Variants in LRRC49 observed in about 807,000 individuals in gnomAD.
LRRC49 encodes the protein leucine-rich repeat-containing protein 49.
Under a neutral mutation model 83.3 loss-of-function variants are expected in LRRC49, and 50 were observed. That is an observed-to-expected ratio of 0.60 (90% confidence interval 0.48 to 0.76). The LOEUF (loss-of-function observed/expected upper bound fraction) is 0.76, where lower values mean the gene tolerates loss of function less well. Among genes scored for constraint, LRRC49 ranks in the 30% least tolerant of loss-of-function variants. The pLI, the probability that LRRC49 is intolerant of heterozygous loss-of-function variation, is 0.00. For missense variants in LRRC49, 704 were observed against 809.1 expected (o/e 0.87, Z 1.58); for synonymous variants, 286 against 283.3 (o/e 1.01, Z -0.10).
At chr15:70,866,069 A>T (rs982036647) in intron 1 of LRRC49, among the ~76,000 whole-genome samples, 23 of 152,058 alleles carry the variant, frequency 1.5e-4, no homozygotes, top group Non-Finnish European at 3.1e-4. Context: ...TATCTTTCTC[A>T]TTACTCTAAT....
chr15:71,018,000 T>C (rs2038879654), intron 14 of LRRC49, among the ~76,000 whole-genome samples: 1 of 152,084 alleles, frequency 6.6e-6, no homozygotes, highest in Non-Finnish European at 1.5e-5. Context: ...CATTTATAGA[T>C]GTAGAATCTA....
At chr15:70,906,346 T>G (rs940064898) in intron 5 of LRRC49, among the ~76,000 whole-genome samples, 1 of 152,096 alleles carries the variant, frequency 6.6e-6, no homozygotes, top group Non-Finnish European at 1.5e-5. Context: ...CCGCCTGCCT[T>G]GGCCTCCCAA....
chr15:70,950,726 G>C (rs1365558172), intron 8 of LRRC49, among the ~76,000 whole-genome samples: 2 of 152,104 alleles, frequency 1.3e-5, no homozygotes, highest in African/African-American at 4.8e-5. Context: ...TTACTCTGTT[G>C]GTAGTTTCTT....
upstream of LRRC49, chr15:70,891,803 G>C (rs771278690): frequency 4.7e-6 from 7 of 1,485,882 alleles, no homozygotes; most frequent in Non-Finnish European, 6.2e-6. Context: ...CCCAGCCAGA[G>C]TCCAGGGGTC....
intron 7 of LRRC49, chr15:70,936,528 TCTC>T (rs1394449454): frequency 9.6e-6 from 4 of 417,846 alleles, no homozygotes; most frequent in African/African-American, 8.0e-5. Flanking sequence ...TCTCTCCCTG[TCTC>T]CTCAGTGCTT....
At chr15:70,941,209 A>G (rs977991199) in intron 8 of LRRC49, among the ~76,000 whole-genome samples, 4 of 152,210 alleles carry the variant, frequency 2.6e-5, no homozygotes, top group Non-Finnish European at 5.9e-5. Flanking sequence ...AGAAAAATAG[A>G]CTTTGAGGTA....
chr15:70,993,051 T>G (rs2037945154), intron 11 of LRRC49, among the ~76,000 whole-genome samples: 7 of 152,218 alleles, frequency 4.6e-5, no homozygotes, highest in Admixed American at 4.6e-4. Flanking sequence ...TGCTGGCTGC[T>G]TTGTTTACCT....
At chr15:71,027,853 A>G (rs1019942328) in intron 14 of LRRC49, among the ~76,000 whole-genome samples, 8 of 152,178 alleles carry the variant, frequency 5.3e-5, no homozygotes, top group African/African-American at 1.9e-4. Context: ...GGCTGAGACA[A>G]TGGGGTTTTC....
intron 8 of LRRC49, among the ~76,000 whole-genome samples, chr15:70,956,501 C>CAAA (rs777121049): frequency 3.6e-5 from 3 of 83,376 alleles, no homozygotes; most frequent in African/African-American, 1.4e-4. Context: ...AACCCTCTGC[C>CAAA]AAAAAAAAAA....
intron 15 of LRRC49, among the ~76,000 whole-genome samples, chr15:71,045,299 CAATA>C (rs1335026129): frequency 2.0e-5 from 3 of 152,160 alleles, no homozygotes; most frequent in African/African-American, 7.2e-5. Context: ...AAGAATTTTA[CAATA>C]AACATCCATA....
intron 14 of LRRC49, among the ~76,000 whole-genome samples, chr15:71,013,889 T>G (rs923542270): frequency 2.0e-5 from 3 of 152,164 alleles, no homozygotes; most frequent in African/African-American, 7.2e-5. Context: ...AGGAGACTGT[T>G]GTCCCAGCTG....
At chr15:70,963,665 CTG>C (rs999779245) in intron 8 of LRRC49, 118 bp from the exon 9 acceptor site, 3 of 1,105,104 alleles carry the variant, frequency 2.7e-6, no homozygotes, top group Admixed American at 2.2e-5. Context: ...TAGGGGAACT[CTG>C]TACTATCTTC....
upstream of LRRC49, chr15:70,892,176 A>G (rs143049551): frequency 6.2e-7 from 1 of 1,611,234 alleles, no homozygotes; most frequent in South Asian, 1.1e-5. Flanking sequence ...AAGCGGTCCC[A>G]GAGCAGCCGC....
intron 14 of LRRC49, among the ~76,000 whole-genome samples, chr15:71,032,961 A>G (rs1351279200): frequency 2.6e-5 from 4 of 152,206 alleles, no homozygotes; most frequent in Non-Finnish European, 5.9e-5. Context: ...GAAGATAAGG[A>G]TGCCCTCTCT....
At chr15:70,873,300 A>G in intron 2 of LRRC49, 4 of 1,402,902 alleles carry the variant, frequency 2.9e-6, no homozygotes, top group Non-Finnish European at 3.9e-6. Flanking sequence ...CTAAAACATC[A>G]TATACGGTCA....
intron 9 of LRRC49, among the ~76,000 whole-genome samples, chr15:70,970,012 T>C (rs954129978): frequency 7.2e-5 from 11 of 152,202 alleles, no homozygotes; most frequent in Non-Finnish European, 1.3e-4. Context: ...TCCAATACTA[T>C]GTTGAATAGG....
chr15:70,932,286 A>G (rs2035435643), intron 7 of LRRC49, among the ~76,000 whole-genome samples: 1 of 152,242 alleles, frequency 6.6e-6, no homozygotes, highest in African/African-American at 2.4e-5. Flanking sequence ...GCTTGCAGCT[A>G]TTAGTCCTCA....
chr15:70,892,936 G>A lies in LRRC49; in HGVS notation c.42G>A (p.Ala14=). ...GKYRSVSGRA[A]NNVNCGLHLV... ...ATCGCTCTGTTTCTGGCCGGGCTGC[G>A]AACAACGTAAGTTGGGCCTTCTACT... The change falls in exon 1 of 16, where the codon GCG becomes GCA. Residue 14 remains alanine, a synonymous_variant. Transcript: ENST00000260382. 6.2e-7 allele frequency: 1 copy of A among 1,614,176 alleles called. No individual in the cohort carries two copies. Among genetic ancestry groups the A allele is most frequent in the Non-Finnish European group, 8.5e-7 (1 of 1,180,024 alleles).
chr15:70,945,591 A>G (rs1363744724), intron 8 of LRRC49, among the ~76,000 whole-genome samples: 3 of 147,174 alleles, frequency 2.0e-5, no homozygotes, highest in Non-Finnish European at 4.5e-5. Context: ...CCAGGTTATT[A>G]GACGGGTTGA....
Sources: allele counts gnomAD v4.1 joint callset (sites outside exome capture counted in the v4.1 genomes callset), GRCh38; gene constraint gnomAD v4.1.1; transcripts MANE v1.5; gene names NCBI Gene and HGNC (gene_info 2026-07-23, HGNC 2026-07-21).